The following KCND3 variants were observed in gnomAD, a reference collection of about 807,000 sequenced individuals.
KCND3 encodes the protein potassium voltage-gated channel subfamily D member 3.
In KCND3, 9 loss-of-function variants were observed where a neutral mutation model predicts 51.1. The observed-to-expected ratio is 0.18, with a 90% CI of 0.11 to 0.31. KCND3 has a LOEUF of 0.31. Ranked by LOEUF, KCND3 falls within the 10% of genes least tolerant of loss-of-function variation. The pLI, the probability that KCND3 is intolerant of heterozygous loss-of-function variation, is 1.00. For missense variants in KCND3, 526 were observed against 903.8 expected, an observed-to-expected ratio of 0.58 and a Z score of 5.36; for synonymous variants, 349 against 368.0, an observed-to-expected ratio of 0.95 and a Z score of 0.59.
rs554114389 is a variant in KCND3 at position 111,808,197 on chromosome 1, A to C, written c.1107-21091T>G. Among the ~76,000 whole-genome samples the C allele has an allele frequency of 5.9e-5, 9 of 152,274 alleles. No homozygotes were observed. In the South Asian group the frequency reaches 1.9e-3, roughly 32 times the overall value. The stretch of plus-strand genomic sequence containing the variant: ...GGATAGAGAAGTAGGAACTCAATAA[A>C]TGTTACTTTCATCCTTTTCCTCTTT... On this transcript the variant is annotated intron_variant, in intron 2 of 7. Coordinates refer to ENST00000302127, the MANE Select transcript of KCND3 (RefSeq NM_001378969.1).
chr1:111,872,777 A>G (rs1407269203), intron 2 of KCND3, among the ~76,000 whole-genome samples: 1 of 152,204 alleles, frequency 6.6e-6, no homozygotes, highest in African/African-American at 2.4e-5. Flanking sequence ...ATTCCACTTC[A>G]GGCCCTTTAA....
At chr1:111,959,925 C>A (rs1201916084) in intron 2 of KCND3, among the ~76,000 whole-genome samples, 5 of 151,972 alleles carry the variant, frequency 3.3e-5, no homozygotes, top group African/African-American at 1.2e-4. Flanking sequence ...GGGTGGTCTC[C>A]CCCATGCTAT....
chr1:111,989,343 C>T (rs1675502233), intron 1 of KCND3, among the ~76,000 whole-genome samples, 162 bp downstream of exon 1: 1 of 152,086 alleles, frequency 6.6e-6, no homozygotes, highest in Non-Finnish European at 1.5e-5. Context: ...CTGTCTGCTC[C>T]CCCACGGCAC....
In KCND3 at chr1:111,775,773, C is replaced by T; in HGVS notation, c.*304G>A. 1 of 460,758 alleles carries T rather than the reference C, an allele frequency of 2.2e-6. No individual in the cohort carries two copies. The highest frequency in any genetic ancestry group is 4.0e-6 in the Non-Finnish European group (1 of 248,436). 28.5% of individuals were successfully genotyped at this position (460,758 alleles called of 1,614,324 possible). ...GGTCTGAGTCTGAGGCTCCTCCATC[C>T]AGGCCCTGTCCTGGCACATAGCCTA... On this transcript the variant is annotated 3_prime_UTR_variant, in exon 8 of 8. Transcript: ENST00000302127.
intron 2 of KCND3, among the ~76,000 whole-genome samples, chr1:111,975,786 C>T (rs767855382): frequency 2.0e-4 from 31 of 152,180 alleles, no homozygotes; most frequent in Non-Finnish European, 3.4e-4. Context: ...TTTGGACCTT[C>T]TTACTTTTTC....
intron 2 of KCND3, among the ~76,000 whole-genome samples, chr1:111,868,220 T>C (rs376634255): frequency 6.6e-6 from 1 of 152,346 alleles, no homozygotes; most frequent in African/African-American, 2.4e-5. Context: ...TGAAACCTCA[T>C]GCTGTCCTGC....
At chr1:111,782,904 G>T (rs1306227791) in intron 3 of KCND3, among the ~76,000 whole-genome samples, 1 of 152,112 alleles carries the variant, frequency 6.6e-6, no homozygotes, top group Non-Finnish European at 1.5e-5. Flanking sequence ...ATGAAATTTG[G>T]TGGGGCTCTA....
At chr1:111,879,754 G>T (rs1344763324) in intron 2 of KCND3, among the ~76,000 whole-genome samples, 1 of 152,204 alleles carries the variant, frequency 6.6e-6, no homozygotes, top group Non-Finnish European at 1.5e-5. Context: ...CTATTCCAGT[G>T]TTGGCTCATC....
intron 2 of KCND3, among the ~76,000 whole-genome samples, chr1:111,885,597 T>C (rs1379149608): frequency 6.6e-6 from 1 of 152,010 alleles, no homozygotes; most frequent in Non-Finnish European, 1.5e-5. Flanking sequence ...TCATTACTTA[T>C]GTGGAGGGAA....
intron 2 of KCND3, among the ~76,000 whole-genome samples, chr1:111,858,677 T>A (rs979815110): frequency 1.3e-5 from 2 of 152,096 alleles, no homozygotes; most frequent in Non-Finnish European, 2.9e-5. Context: ...CACAGGTCAG[T>A]TTTAGCACTG....
chr1:111,986,544 T>C (rs147225505), intron 1 of KCND3, among the ~76,000 whole-genome samples: 13 of 152,280 alleles, frequency 8.5e-5, no homozygotes, highest in African/African-American at 2.9e-4. Flanking sequence ...TTCAGTCCCA[T>C]CCTCAATTTG....
intron 2 of KCND3, among the ~76,000 whole-genome samples, chr1:111,973,677 T>C (rs1328083392): frequency 2.6e-5 from 4 of 152,194 alleles, no homozygotes; most frequent in African/African-American, 9.7e-5. Flanking sequence ...TTGGAGAAAA[T>C]TGATGCACAT....
chr1:111,924,173 C>A (rs933691482), intron 2 of KCND3, among the ~76,000 whole-genome samples: 2 of 152,250 alleles, frequency 1.3e-5, no homozygotes, highest in African/African-American at 4.8e-5. Flanking sequence ...GTGCCAGGCA[C>A]TGAGTGTGAG....
chr1:111,844,915 T>C (rs1667480299), intron 2 of KCND3, among the ~76,000 whole-genome samples: 1 of 152,166 alleles, frequency 6.6e-6, no homozygotes, highest in African/African-American at 2.4e-5. Flanking sequence ...TCTCCATCTC[T>C]ACTATTCTCT....
intron 2 of KCND3, among the ~76,000 whole-genome samples, chr1:111,830,514 A>G (rs552205688): frequency 1.3e-5 from 2 of 152,314 alleles, no homozygotes; most frequent in Middle Eastern, 6.8e-3. Flanking sequence ...AAATTTAAGG[A>G]GGCCCTCACT....
chr1:111,839,098 G>A (rs931935375), intron 2 of KCND3, among the ~76,000 whole-genome samples: 1 of 152,106 alleles, frequency 6.6e-6, no homozygotes, highest in Non-Finnish European at 1.5e-5. Flanking sequence ...GAGTTTCATC[G>A]GTTTGACATC....
intron 2 of KCND3, among the ~76,000 whole-genome samples, chr1:111,834,073 A>G (rs141548541): frequency 1.1e-4 from 17 of 152,330 alleles, no homozygotes; most frequent in Non-Finnish European, 2.4e-4. Flanking sequence ...GAAGAGGCCT[A>G]ATGCCATTTA....
chr1:111,780,686 C>G lies in KCND3; in HGVS notation c.1371+4G>C, dbSNP rs1664339282. 4 of 1,606,154 alleles carry G rather than the reference C, an allele frequency of 2.5e-6. No individual in the cohort carries two copies. The highest frequency in any genetic ancestry group is 3.4e-6 in the Non-Finnish European group (4 of 1,176,082). ...TCCCTAGCCCAGGTCCTCTAGGCAC[C>G]TACCGTCAGCTCCAGCGCCTCGTTG... On this transcript the variant is annotated splice_donor_region_variant and intron_variant, in intron 4 of 7. Coordinates refer to ENST00000302127, the MANE Select transcript of KCND3 (RefSeq NM_001378969.1). This position sits in a 1 kb window ranked among gnomAD's most constrained non-coding sequence, Gnocchi z 4.2.
At chr1:111,927,890 C>T (rs1048589875) in intron 2 of KCND3, among the ~76,000 whole-genome samples, 15 of 152,140 alleles carry the variant, frequency 9.9e-5, no homozygotes, top group Non-Finnish European at 1.6e-4. Flanking sequence ...CTGCTCCTGC[C>T]GGCCTGTCTG....
Sources: gnomAD v4.1 joint callset for allele counts (sites outside exome capture counted in the v4.1 genomes callset) on GRCh38, gnomAD v4.1.1 for gene constraint, Gnocchi (gnomAD v3.1) non-coding constraint, MANE v1.5 for transcripts, NCBI Gene and HGNC (gene_info 2026-07-23, HGNC 2026-07-21) for gene names.